SLC51A: variants seen among roughly 807,000 people sequenced by gnomAD.
SLC51A encodes the protein solute carrier family 51 member A.
Under a neutral mutation model 34.8 loss-of-function variants are expected in SLC51A, and 22 were observed. The ratio of observed to expected loss-of-function variants is 0.63; its 90% CI spans 0.45 to 0.90. The LOEUF (loss-of-function observed/expected upper bound fraction) is 0.90, where lower values mean the gene tolerates loss of function less well. SLC51A is among the 40% of genes least tolerant of loss of function. SLC51A has a pLI of 0.00. For synonymous variants in SLC51A, 181 were observed against 176.3 expected (o/e 1.03, Z -0.21); for missense variants, 371 against 414.8 (o/e 0.89, Z 0.92).
In SLC51A at chr3:196,232,442, A is replaced by G; in HGVS notation, c.804A>G (p.Leu268=). ...LFQVLLILTA[L]QPSIFSVLAN... ...AGGTTCTCCTCATCCTGACTGCCCT[A>G]CAGCCCTCCATCTTCTCAGTCTTGG... The change falls in exon 8 of 9, where the codon CTA becomes CTG. Residue 268 remains leucine, a synonymous_variant. Transcript: ENST00000296327. The G allele has an allele frequency of 6.2e-7, 1 of 1,614,094 alleles. No individual in the cohort carries two copies. Among genetic ancestry groups the G allele is most frequent in the Non-Finnish European group, 8.5e-7 (1 of 1,179,954 alleles).
In SLC51A at chr3:196,228,839, T is replaced by C; in HGVS notation, c.552T>C (p.Pro184=). The change falls in exon 6 of 9, where the codon CCT becomes CCC. Residue 184 remains proline (P), a synonymous_variant. Transcript: ENST00000296327. The surrounding 1 kb of genome is among the most constrained non-coding windows in gnomAD (Gnocchi z 4.9). ...AGCTTCAGCTGCTGATGTTGGGCCC[T>C]TTCCAATACGCCTTCTTGAAGATAA... ...RKKLQLLMLG[P]FQYAFLKITL... is the part of the protein sequence containing the mutation. The C allele has an allele frequency of 6.2e-7, 1 of 1,614,156 alleles. No homozygotes were observed. The highest frequency in any genetic ancestry group is 8.5e-7 in the Non-Finnish European group (1 of 1,180,016).
chr3:196,221,064 G>A (rs1015155828), intron 2 of SLC51A, among the ~76,000 whole-genome samples: 1 of 151,030 alleles, frequency 6.6e-6, no homozygotes, highest in African/African-American at 2.4e-5. Context: ...GCTAATTTTT[G>A]TATTTTTTTG....
chr3:196,228,769 G>A lies in SLC51A; in HGVS notation c.522-40G>A. 1 of 1,569,304 alleles carries A rather than the reference G, an allele frequency of 6.4e-7. No individual in the cohort carries two copies. The highest frequency in any genetic ancestry group is 1.4e-5 in the African/African-American group (1 of 74,072). Reference sequence around the variant, plus strand: ...GCCGGGGCGTCTTCCTGGGGCAGGGGGTTTGTGGGCCCATGTTCCTAACCC... The same window carrying A: ...GCCGGGGCGTCTTCCTGGGGCAGGGAGTTTGTGGGCCCATGTTCCTAACCC... On this transcript the variant is annotated intron_variant, in intron 5 of 8. Coordinates refer to ENST00000296327, the MANE Select transcript of SLC51A (RefSeq NM_152672.6). This position sits in a 1 kb window ranked among gnomAD's most constrained non-coding sequence, Gnocchi z 4.9.
At chr3:196,218,873 C>T (rs1210258172) in intron 2 of SLC51A, among the ~76,000 whole-genome samples, 2 of 151,664 alleles carry the variant, frequency 1.3e-5, no homozygotes, top group Non-Finnish European at 2.9e-5. Flanking sequence ...CATAGGTGAA[C>T]CTGCAAAAGT....
chr3:196,230,624 A>G (rs1188916132), intron 7 of SLC51A, among the ~76,000 whole-genome samples: 1 of 151,272 alleles, frequency 6.6e-6, no homozygotes, highest in Non-Finnish European at 1.5e-5. Context: ...AGCTGGGATT[A>G]CAGGCATGTA....
chr3:196,222,010 G>A (rs943173849), intron 2 of SLC51A, among the ~76,000 whole-genome samples: 5 of 152,144 alleles, frequency 3.3e-5, no homozygotes, highest in East Asian at 1.9e-4. Context: ...GAGCCCCCCC[G>A]CCCGGCCTGG....
chr3:196,226,941 G>A (rs1723910300), intron 2 of SLC51A, 24 bp from the exon 3 acceptor site: 3 of 1,599,334 alleles, frequency 1.9e-6, no homozygotes, highest in Non-Finnish European at 2.6e-6. Flanking sequence ...CCGGTCGTCA[G>A]CTCTCTGCCT....
At position 196,227,128 on chromosome 3, in the gene SLC51A, C is replaced by G. The variant is rs1268485280; in HGVS notation, c.288+9C>G. ...AGAGCTCGGCACCCACGGTGAGGCC[C>G]CCGGGGCTGCCCTGTGGGGGGAACT... On this transcript the variant is annotated intron_variant, in intron 3 of 8. Transcript: ENST00000296327. 1.2e-6 allele frequency: 2 copies of G among 1,612,350 alleles called. No individual in the cohort carries two copies. The highest frequency in any genetic ancestry group is 3.3e-5 in the Admixed American group (2 of 59,792).
At position 196,227,073 on chromosome 3, in the gene SLC51A, G is replaced by T. The variant is rs1560154030; in HGVS notation, c.242G>T (p.Cys81Phe). 1 of 1,614,098 alleles carries T rather than the reference G, an allele frequency of 6.2e-7. No homozygotes were observed. Among genetic ancestry groups the T allele is most frequent in the Non-Finnish European group, 8.5e-7 (1 of 1,180,034 alleles). Residue 81 changes from cysteine to phenylalanine, a missense_variant, in exon 3 of 9, where the codon TGC becomes TTC. Transcript: ENST00000296327. Reference sequence around the variant, plus strand: ...GTCTACCTGTACAAGAACACCCTTTGCCCCATCAAGAGGCGGACTCTGCTC... The same window carrying T: ...GTCTACCTGTACAAGAACACCCTTTTCCCCATCAAGAGGCGGACTCTGCTC... ...DAVYLYKNTL[C>F]PIKRRTLLWK... is the part of the protein sequence containing the mutation.
intron 2 of SLC51A, among the ~76,000 whole-genome samples, chr3:196,222,244 A>G (rs1264869369): frequency 6.6e-6 from 1 of 152,220 alleles, no homozygotes; most frequent in South Asian, 2.1e-4. Flanking sequence ...TGCTATAAGT[A>G]TGATTATATT....
At chr3:196,219,920 A>G (rs1723701277) in intron 2 of SLC51A, among the ~76,000 whole-genome samples, 1 of 152,250 alleles carries the variant, frequency 6.6e-6, no homozygotes, top group Non-Finnish European at 1.5e-5. Flanking sequence ...AGAATGTGCA[A>G]ACGGAAACCC....
At chr3:196,227,288 G>C in intron 3 of SLC51A, 169 bp downstream of exon 3, 1 of 676,722 alleles carries the variant, frequency 1.5e-6, no homozygotes, top group Non-Finnish European at 2.5e-6. Context: ...TCCTCTGCTT[G>C]GAAGGCTGTG....
chr3:196,220,561 C>T (rs909300317), intron 2 of SLC51A, among the ~76,000 whole-genome samples: 2 of 152,142 alleles, frequency 1.3e-5, no homozygotes, highest in African/African-American at 2.4e-5. Flanking sequence ...CTCACCATTG[C>T]ACTCCAGCCT....
intron 2 of SLC51A, chr3:196,225,852 T>C (rs1035140710): frequency 2.0e-5 from 3 of 152,184 alleles, no homozygotes; most frequent in Non-Finnish European, 4.4e-5. Context: ...TGGACGCACA[T>C]GTCTGAACGT....
chr3:196,224,007 C>A, intron 2 of SLC51A: 1 of 293,394 alleles, frequency 3.4e-6, no homozygotes, highest in Non-Finnish European at 6.7e-6. Flanking sequence ...TACAGGTACT[C>A]GCCACCATGC....
At chr3:196,219,300 G>A (rs1342502257) in intron 2 of SLC51A, among the ~76,000 whole-genome samples, 2 of 152,124 alleles carry the variant, frequency 1.3e-5, no homozygotes, top group South Asian at 2.1e-4. Context: ...CTTATTCCCC[G>A]GACACCAAAA....
chr3:196,221,275 A>G (rs533781094), intron 2 of SLC51A, among the ~76,000 whole-genome samples: 72 of 152,120 alleles, frequency 4.7e-4, no homozygotes, highest in Admixed American at 8.5e-4. Context: ...GAGAGAGAGA[A>G]AAAAAAGCTA....
chr3:196,227,548 T>TA, intron 3 of SLC51A, 116 bp from the exon 4 acceptor site: 1 of 871,820 alleles, frequency 1.1e-6, no homozygotes, highest in Middle Eastern at 2.2e-4. Context: ...CTGGCAACGT[T>TA]TAAGGAACGC....
chr3:196,233,136 A>G lies in SLC51A; in HGVS notation c.960A>G (p.Lys320=). Residue 320 remains lysine, a synonymous_variant, in exon 9 of 9, where the codon AAA becomes AAG. Transcript: ENST00000296327. ...TVLTRMYYRR[K]DHKVGYETFS... ...TGACACGAATGTACTACCGAAGGAA[A>G]GACCACAAGGTTGGGTATGAAACTT... 6.2e-7 allele frequency: 1 copy of G among 1,614,262 alleles called. No individual in the cohort carries two copies. Among genetic ancestry groups the G allele is most frequent in the Non-Finnish European group, 8.5e-7 (1 of 1,180,040 alleles).
Sources: gnomAD v4.1 joint callset for allele counts (sites outside exome capture counted in the v4.1 genomes callset) on GRCh38, gnomAD v4.1.1 for gene constraint, Gnocchi (gnomAD v3.1) non-coding constraint, MANE v1.5 for transcripts, NCBI Gene and HGNC (gene_info 2026-07-23, HGNC 2026-07-21) for gene names.